COL26A1: variants seen among roughly 807,000 people sequenced by gnomAD.
COL26A1 encodes collagen type XXVI alpha 1 chain, also known as collagen alpha-1(XXVI) chain.
COL26A1 carries 41 observed loss-of-function variants against 59.3 expected under a neutral mutation model. The ratio of observed to expected loss-of-function variants is 0.69; its 90% confidence interval spans 0.54 to 0.90. COL26A1 has a LOEUF of 0.90. Ranked by LOEUF, COL26A1 falls within the 40% of genes least tolerant of loss-of-function variation. COL26A1 has a pLI of 0.00. For missense variants in COL26A1, 612 were observed against 602.3 expected (o/e 1.02, Z -0.17); for synonymous variants, 266 against 256.0 (o/e 1.04, Z -0.37).
chr7:101,509,667 C>T (rs140137834), intron 3 of COL26A1, among the ~76,000 whole-genome samples: 17 of 152,152 alleles, frequency 1.1e-4, no homozygotes, highest in East Asian at 9.7e-4. Flanking sequence ...CCGGCCAACA[C>T]GGGTGAGTTG....
At chr7:101,490,693 T>G (rs746567371) in intron 3 of COL26A1, among the ~76,000 whole-genome samples, 4 of 145,330 alleles carry the variant, frequency 2.8e-5, no homozygotes, top group Non-Finnish European at 6.0e-5. Context: ...ACAGTGAGAC[T>G]CTATCTCAAA....
At chr7:101,499,683 C>G (rs1024212242) in intron 3 of COL26A1, among the ~76,000 whole-genome samples, 2 of 151,130 alleles carry the variant, frequency 1.3e-5, no homozygotes, top group South Asian at 2.1e-4. Context: ...AACTCTGTCT[C>G]AAAAATAATA....
chr7:101,402,532 T>C (rs1052634446), intron 1 of COL26A1, among the ~76,000 whole-genome samples: 3 of 152,012 alleles, frequency 2.0e-5, no homozygotes, highest in Non-Finnish European at 4.4e-5. Flanking sequence ...CTATTTTCTC[T>C]TTCTTTTCTT....
chr7:101,512,486 C>G (rs112278875), intron 3 of COL26A1, among the ~76,000 whole-genome samples: 2,523 of 152,140 alleles, frequency 0.017, 79 homozygotes, highest in African/African-American at 0.057. Flanking sequence ...CAGTGTGCGG[C>G]ATGTGCCTGC....
At chr7:101,418,550 C>A (rs888240006) in intron 1 of COL26A1, among the ~76,000 whole-genome samples, 1 of 152,108 alleles carries the variant, frequency 6.6e-6, no homozygotes, top group Non-Finnish European at 1.5e-5. Flanking sequence ...CTTACTGTAG[C>A]CTCAACCTCC....
Position 101,547,169 on chromosome 7 carries a change from G to C in COL26A1, c.870G>C (p.Arg290Ser). The C allele has an allele frequency of 6.3e-7, 1 of 1,596,410 alleles. No homozygotes were observed. Among genetic ancestry groups the C allele is most frequent in the Non-Finnish European group, 8.5e-7 (1 of 1,173,114 alleles). The stretch of plus-strand genomic sequence containing the variant: ...CTCTTCCCACAGATGGAGACTCAAG[G>C]CTGGCCTCTGCCATCGTGGACACAG... ...PPTDKDNGDS[R>S]LASAIVDTVL... is the part of the protein sequence containing the mutation. Residue 290 changes from arginine to serine, a missense_variant, in exon 8 of 13, where the codon AGG (arginine) becomes AGC (serine). Transcript: ENST00000313669.
chr7:101,523,951 A>ATT (rs1795188750), intron 3 of COL26A1, among the ~76,000 whole-genome samples: 3 of 151,992 alleles, frequency 2.0e-5, no homozygotes, highest in Admixed American at 2.0e-4. Flanking sequence ...AAGAATTTAT[A>ATT]TATATTTATT....
chr7:101,362,746 A>AGCTCTGCCGCCACTGCCGCCTCCTC, upstream of COL26A1: 1 of 466,018 alleles, frequency 2.1e-6, no homozygotes, highest in Non-Finnish European at 3.8e-6. Context: ...CTCGCACCCT[A>AGCTCTGCCGCCACTGCCGCCTCCTC]GCTCTGCCGC....
chr7:101,510,718 C>A (rs922470019), intron 3 of COL26A1, among the ~76,000 whole-genome samples: 2 of 151,684 alleles, frequency 1.3e-5, no homozygotes, highest in South Asian at 4.2e-4. Flanking sequence ...GGGGGTCTCA[C>A]GATGTTGTCC....
Position 101,419,976 on chromosome 7 carries a change from G to A in COL26A1, c.159-1G>A. 6.2e-7 allele frequency: 1 copy of A among 1,613,546 alleles called. No individual in the cohort carries two copies. Among genetic ancestry groups the A allele is most frequent in the Non-Finnish European group, 8.5e-7 (1 of 1,179,838 alleles). ...TCATGTGACTGTTGCTCTCTCCACA[G>A]GCACTGGTGCCATCACACAGTGACA... On this transcript the variant is annotated splice_acceptor_variant, in intron 1 of 12. Transcript: ENST00000313669. LOFTEE classifies it high-confidence loss of function.
chr7:101,551,964 C>T (rs1412474578), intron 10 of COL26A1, among the ~76,000 whole-genome samples: 2 of 152,154 alleles, frequency 1.3e-5, no homozygotes, highest in East Asian at 1.9e-4. Context: ...CTTTATTATC[C>T]CCGTTTGCCA....
chr7:101,393,950 A>AT (rs35379126), intron 1 of COL26A1, among the ~76,000 whole-genome samples: 11,687 of 149,832 alleles, frequency 0.078, 552 homozygotes, highest in South Asian at 0.11. Context: ...TTAAAAAAAA[A>AT]TTTTTTTTTT....
At chr7:101,442,269 C>T (rs567577627) in intron 2 of COL26A1, among the ~76,000 whole-genome samples, 4 of 151,926 alleles carry the variant, frequency 2.6e-5, no homozygotes, top group East Asian at 1.9e-4. Flanking sequence ...GGCCTGCTTT[C>T]GGCTGGCAGA....
intron 3 of COL26A1, among the ~76,000 whole-genome samples, chr7:101,524,273 AG>A (rs1420527658): frequency 6.6e-6 from 1 of 151,300 alleles, no homozygotes; most frequent in East Asian, 1.9e-4. Flanking sequence ...TCTGTCTCAA[AG>A]AAAAAAAAAA....
intron 1 of COL26A1, among the ~76,000 whole-genome samples, chr7:101,379,234 G>A (rs910759513): frequency 6.6e-6 from 1 of 152,142 alleles, no homozygotes; most frequent in Non-Finnish European, 1.5e-5. Flanking sequence ...CTGGCTGGCT[G>A]CAGGATTTGC....
At chr7:101,472,628 G>A (rs564676852) in intron 3 of COL26A1, among the ~76,000 whole-genome samples, 4 of 152,248 alleles carry the variant, frequency 2.6e-5, no homozygotes, top group East Asian at 3.9e-4. Flanking sequence ...TGCACATTGC[G>A]CCTCGGGAAA....
At chr7:101,526,691 A>C (rs1795254274) in intron 3 of COL26A1, among the ~76,000 whole-genome samples, 1 of 152,188 alleles carries the variant, frequency 6.6e-6, no homozygotes, top group South Asian at 2.1e-4. Flanking sequence ...TGCTGACCAA[A>C]GGCAGATGGC....
rs765337719 is a variant in COL26A1 at position 101,557,439 on chromosome 7, GGGGTGGCGCCC to G, written c.1236_1246del (p.Gly413ThrfsTer38). 44 of 1,613,614 alleles carry G rather than the reference GGGGTGGCGCCC, an allele frequency of 2.7e-5. No individual in the cohort carries two copies. In the South Asian group the frequency reaches 4.3e-4, roughly 16 times the overall value. On this transcript the variant is annotated frameshift_variant, in exon 13 of 13. Transcript: ENST00000313669. LOFTEE classifies it high-confidence loss of function. ...CTGAGAGCCAACCTCAAGATGAAGA[GGGGTGGCGCCC>G]AACCCGATGGGGTCCTTGCTGCCCT...
chr7:101,368,610 C>G (rs1486963915), intron 1 of COL26A1, among the ~76,000 whole-genome samples: 1 of 152,110 alleles, frequency 6.6e-6, no homozygotes, highest in African/African-American at 2.4e-5. Flanking sequence ...GTGGTAACTT[C>G]TAGGTTGTTG....
Sources: allele counts gnomAD v4.1 joint callset (sites outside exome capture counted in the v4.1 genomes callset), GRCh38; gene constraint gnomAD v4.1.1; transcripts MANE v1.5; gene names NCBI Gene and HGNC (gene_info 2026-07-23, HGNC 2026-07-21).